Variants in FAM107B observed in about 807,000 individuals in gnomAD.
The protein encoded by FAM107B is protein FAM107B.
FAM107B carries 21 observed loss-of-function variants against 31.5 expected under a neutral mutation model. The observed-to-expected ratio is 0.67, with a 90% confidence interval of 0.47 to 0.96. The LOEUF (loss-of-function observed/expected upper bound fraction) is 0.96. FAM107B is among the 40% of genes least tolerant of loss of function. The pLI, the probability that FAM107B is intolerant of heterozygous loss-of-function variation, is 0.00. For missense variants in FAM107B, 452 were observed against 377.1 expected (o/e 1.20, Z -1.64); for synonymous variants, 157 against 141.5 (o/e 1.11, Z -0.78).
intron 1 of FAM107B, among the ~76,000 whole-genome samples, chr10:14,756,369 G>T (rs1172299593): frequency 6.6e-6 from 1 of 152,218 alleles, no homozygotes; most frequent in African/African-American, 2.4e-5. Context: ...AGCTGTGAAA[G>T]TATTTTGTAG....
At chr10:14,747,448 G>A (rs1832748243) in intron 1 of FAM107B, among the ~76,000 whole-genome samples, 1 of 152,142 alleles carries the variant, frequency 6.6e-6, no homozygotes, top group African/African-American at 2.4e-5. Flanking sequence ...AATCTGTGTG[G>A]CTGCTGGCTT....
rs1398467961 is a variant in FAM107B at position 14,598,507 on chromosome 10, T to TA, written c.470-67993dup. Among the ~76,000 whole-genome samples the TA allele has an allele frequency of 3.3e-5, 5 of 152,232 alleles. No homozygotes were observed. In the East Asian group the frequency reaches 9.7e-4, roughly 29 times the overall value. ...TGAAGCATCTAAGTAGCTAAACTCA[T>TA]AGACTTGAAGAGTGGAATGGTGGTT... On this transcript the variant is annotated intron_variant, in intron 2 of 4. Coordinates refer to ENST00000181796, the MANE Select transcript of FAM107B (RefSeq NM_031453.4).
At chr10:14,676,760 TATTA>T (rs1854692599) in intron 1 of FAM107B, among the ~76,000 whole-genome samples, 1 of 152,322 alleles carries the variant, frequency 6.6e-6, no homozygotes, top group East Asian at 1.9e-4. Flanking sequence ...CAAGTAATCT[TATTA>T]ATTATTGGAG....
At chr10:14,727,729 C>G (rs1856070332) in intron 1 of FAM107B, among the ~76,000 whole-genome samples, 2 of 152,238 alleles carry the variant, frequency 1.3e-5, no homozygotes, top group African/African-American at 2.4e-5. Context: ...CTTCCCCACT[C>G]TCCCACCAGG....
chr10:14,566,758 G>A (rs1469761690), intron 2 of FAM107B, among the ~76,000 whole-genome samples: 1 of 152,280 alleles, frequency 6.6e-6, no homozygotes, highest in Admixed American at 6.5e-5. Context: ...TGAAAGAGGA[G>A]AGTTCCAAGA....
intron 2 of FAM107B, among the ~76,000 whole-genome samples, chr10:14,571,571 C>G (rs1168565652): frequency 6.6e-6 from 1 of 152,196 alleles, no homozygotes; most frequent in Non-Finnish European, 1.5e-5. Flanking sequence ...CTACACAAGA[C>G]ACAGCCTATT....
chr10:14,592,792 G>A (rs1354344251), intron 2 of FAM107B, among the ~76,000 whole-genome samples: 1 of 152,216 alleles, frequency 6.6e-6, no homozygotes. Context: ...CCTGCACACT[G>A]GTAGCCTGGG....
rs956301992 is a variant in FAM107B, at chr10:14,596,005, T to A, written c.470-65490A>T. 6.3e-4 allele frequency among the ~76,000 whole-genome samples: 96 copies of A among 152,208 alleles called. 5 individuals are homozygous for A. The highest frequency in any genetic ancestry group is 2.9e-5 in the Non-Finnish European group (2 of 68,038). On this transcript the variant is annotated intron_variant, in intron 2 of 4. Coordinates refer to ENST00000181796, the MANE Select transcript of FAM107B (RefSeq NM_031453.4). ...TCAGAACTCTCCTGTGGCTTCCTCA[T>A]GAGCCACGTCCTCACCGTGGCCTGC...
intron 1 of FAM107B, among the ~76,000 whole-genome samples, chr10:14,680,999 C>T (rs886378753): frequency 6.6e-6 from 1 of 152,216 alleles, no homozygotes; most frequent in Non-Finnish European, 1.5e-5. Flanking sequence ...CTCACTCAGC[C>T]ATCCAGGATC....
rs550843045 is a variant in FAM107B at position 14,568,012 on chromosome 10, C to T, written c.470-37497G>A. ...TCAGCTCCGGCTGCCATGGAGTCCC[C>T]GGTGAGCTTTGACAAATACTGACCC... On this transcript the variant is annotated intron_variant, in intron 2 of 4. Transcript: ENST00000181796. Among the ~76,000 whole-genome samples the T allele has an allele frequency of 3.3e-5, 5 of 152,318 alleles. No homozygotes were observed. In the East Asian group the frequency reaches 7.7e-4, roughly 23 times the overall value.
chr10:14,652,032 G>A (rs1401929379), intron 2 of FAM107B, among the ~76,000 whole-genome samples: 3 of 152,170 alleles, frequency 2.0e-5, no homozygotes, highest in African/African-American at 7.2e-5. Context: ...AACAGAAGTT[G>A]TACAGTCGGA....
intron 1 of FAM107B, among the ~76,000 whole-genome samples, chr10:14,737,118 A>G (rs934952094): frequency 6.6e-6 from 1 of 152,202 alleles, no homozygotes; most frequent in Non-Finnish European, 1.5e-5. Flanking sequence ...CCACCAAGCC[A>G]GAGATCTTGT....
intron 1 of FAM107B, among the ~76,000 whole-genome samples, chr10:14,770,327 A>T (rs747936249): frequency 6.6e-6 from 1 of 152,138 alleles, no homozygotes; most frequent in Non-Finnish European, 1.5e-5. Context: ...ATTCGAGATC[A>T]GGCTGGCCAA....
chr10:14,774,101 G>A, intron 1 of FAM107B, 152 bp downstream of exon 1: 1 of 888,318 alleles, frequency 1.1e-6, no homozygotes, highest in South Asian at 1.8e-5. Flanking sequence ...GAATCTACAC[G>A]GCTTTAACAC....
At chr10:14,770,219 T>G (rs1167249031) in intron 1 of FAM107B, among the ~76,000 whole-genome samples, 1 of 151,956 alleles carries the variant, frequency 6.6e-6, no homozygotes, top group Non-Finnish European at 1.5e-5. Context: ...GCATAATAAC[T>G]ACTGACTAAA....
Position 14,628,361 on chromosome 10 carries a change from A to T in FAM107B, c.469+39273T>A, listed in dbSNP as rs1429572134. ...TCAAACTCCTGACCTCAGGTGATCC[A>T]CCTGCCTTGATCTCCCAAAGTGTTG... On this transcript the variant is annotated intron_variant, in intron 2 of 4. Coordinates refer to ENST00000181796, the MANE Select transcript of FAM107B (RefSeq NM_031453.4). Among the ~76,000 whole-genome samples the T allele has an allele frequency of 2.0e-5, 3 of 151,838 alleles. No homozygotes were observed. In the East Asian group the frequency reaches 5.8e-4, roughly 29 times the overall value.
At chr10:14,558,785 A>G (rs536822177) in intron 2 of FAM107B, among the ~76,000 whole-genome samples, 21 of 152,278 alleles carry the variant, frequency 1.4e-4, no homozygotes, top group African/African-American at 5.1e-4. Flanking sequence ...CAACACCTTA[A>G]TATGTTCTGC....
At chr10:14,671,408 C>G (rs1854537777) in intron 1 of FAM107B, among the ~76,000 whole-genome samples, 1 of 152,092 alleles carries the variant, frequency 6.6e-6, no homozygotes, top group East Asian at 1.9e-4. Flanking sequence ...AGGTCAGAGT[C>G]CCTGCTACAA....
At chr10:14,591,485 G>A (rs1852017852) in intron 2 of FAM107B, among the ~76,000 whole-genome samples, 1 of 152,196 alleles carries the variant, frequency 6.6e-6, no homozygotes, top group African/African-American at 2.4e-5. Flanking sequence ...CTGTATCAAT[G>A]TTGTCAGTTT....
Sources: allele counts gnomAD v4.1 joint callset (sites outside exome capture counted in the v4.1 genomes callset), GRCh38; gene constraint gnomAD v4.1.1; transcripts MANE v1.5; gene names NCBI Gene and HGNC (gene_info 2026-07-23, HGNC 2026-07-21).